The following MRPL39 variants were observed in gnomAD, a reference collection of about 807,000 sequenced individuals.
The protein encoded by MRPL39 is mitochondrial ribosomal protein L39, also known as large ribosomal subunit protein mL39.
Under a neutral mutation model 44.5 loss-of-function variants are expected in MRPL39, and 35 were observed. That is an observed-to-expected ratio of 0.79 (90% CI 0.60 to 1.04). MRPL39 has a LOEUF of 1.04. Among genes scored for constraint, MRPL39 ranks in the 50% least tolerant of loss-of-function variants. The probability of loss-of-function intolerance (pLI) is 0.00; values close to 1 mark genes in which losing one functional copy is unlikely to be tolerated. For synonymous variants in MRPL39, 139 were observed against 136.1 expected, an observed-to-expected ratio of 1.02 and a Z score of -0.15; for missense variants, 433 against 413.5, an observed-to-expected ratio of 1.05 and a Z score of -0.41.
At chr21:25,595,004 A>G (rs992611633) in intron 6 of MRPL39, among the ~76,000 whole-genome samples, 2 of 152,148 alleles carry the variant, frequency 1.3e-5, no homozygotes, top group Non-Finnish European at 2.9e-5. Flanking sequence ...CAAGTTGTCA[A>G]TTTGACTGCC....
At chr21:25,591,491 CTAAT>C (rs2031178540) in intron 8 of MRPL39, among the ~76,000 whole-genome samples, 1 of 152,032 alleles carries the variant, frequency 6.6e-6, no homozygotes, top group Admixed American at 6.5e-5. Context: ...GTAAAACAAT[CTAAT>C]TAGAACACTA....
chr21:25,606,690 A>G, intron 1 of MRPL39, 35 bp from the exon 2 acceptor site: 1 of 1,542,660 alleles, frequency 6.5e-7, no homozygotes, highest in Non-Finnish European at 8.9e-7. Context: ...GAAGACTGAA[A>G]AAATGATTAA....
intron 5 of MRPL39, among the ~76,000 whole-genome samples, chr21:25,597,823 G>C (rs2031404944): frequency 6.6e-6 from 1 of 151,948 alleles, no homozygotes; most frequent in Non-Finnish European, 1.5e-5. Context: ...TAAATATATG[G>C]GGAAAAATTA....
chr21:25,601,433 C>T lies in MRPL39; in HGVS notation c.455G>A (p.Cys152Tyr), dbSNP rs1299993177. The T allele has an allele frequency of 1.2e-6, 2 of 1,609,108 alleles. No individual in the cohort carries two copies. The highest frequency in any genetic ancestry group is 1.7e-5 in the Admixed American group (1 of 59,768). ...YWRSCAMMMG[C>Y]VIERAFKDEY... ...ATCTTTGAATGCCCTCTCTATCACA[C>T]AGCCCATCATCATAGCACAGGAACG... Residue 152 changes from cysteine (C) to tyrosine (Y), a missense_variant, in exon 4 of 10, where the codon TGT becomes TAT. Transcript: ENST00000352957.
At chr21:25,587,253 AT>A (rs1175733823) in intron 9 of MRPL39, among the ~76,000 whole-genome samples, 4 of 151,928 alleles carry the variant, frequency 2.6e-5, no homozygotes, top group Admixed American at 6.6e-5. Context: ...AGCTTTTTAA[AT>A]TTTTTTTAAT....
chr21:25,591,436 G>C (rs916427290), intron 8 of MRPL39, among the ~76,000 whole-genome samples: 1 of 151,928 alleles, frequency 6.6e-6, no homozygotes, highest in Admixed American at 6.6e-5. Flanking sequence ...CAAAAAACTA[G>C]TATCTACAAC....
At chr21:25,587,043 T>C (rs1294400617) in intron 9 of MRPL39, among the ~76,000 whole-genome samples, 2 of 152,022 alleles carry the variant, frequency 1.3e-5, no homozygotes, top group Non-Finnish European at 2.9e-5. Flanking sequence ...TTTAATCTAA[T>C]CCCTTCAGAA....
Position 25,588,860 on chromosome 21 carries a change from T to G in MRPL39, c.944A>C (p.Lys315Thr). Residue 315 changes from lysine (K) to threonine (T), a missense_variant, in exon 9 of 10, where the codon AAG becomes ACG. Physicochemically the swap from Lys to Thr is moderately conservative, Grantham distance 78. Transcript: ENST00000352957. ...HLRAHFTIWDKLLERSRKMVT... is the reference protein window; with the variant it reads ...HLRAHFTIWDTLLERSRKMVT... The stretch of plus-strand genomic sequence containing the variant: ...CATTTTCCGAGATCTTTCCAATAGC[T>G]TATCCCATATTGTAAAATGTGCCTT... 6.2e-7 allele frequency: 1 copy of G among 1,613,100 alleles called. No homozygotes were observed. Among genetic ancestry groups the G allele is most frequent in the Non-Finnish European group, 8.5e-7 (1 of 1,179,392 alleles).
At chr21:25,598,476 C>A (rs1206344086) in intron 5 of MRPL39, among the ~76,000 whole-genome samples, 1 of 147,326 alleles carries the variant, frequency 6.8e-6, no homozygotes, top group South Asian at 2.1e-4. Flanking sequence ...AAGAAAAAAG[C>A]AGTTATGTTT....
At chr21:25,604,131 T>G (rs1353888766) in intron 2 of MRPL39, among the ~76,000 whole-genome samples, 196 bp from the exon 3 acceptor site, 1 of 151,540 alleles carries the variant, frequency 6.6e-6, no homozygotes, top group African/African-American at 2.4e-5. Context: ...TGGGGGCACG[T>G]GCCTGTAATC....
chr21:25,606,417 G>C, intron 2 of MRPL39, 32 bp downstream of exon 2: 1 of 1,529,490 alleles, frequency 6.5e-7, no homozygotes, highest in Non-Finnish European at 8.9e-7. Flanking sequence ...TAAGTAAAAG[G>C]GTCAAAACTG....
chr21:25,592,239 AG>A (rs1163743621), intron 8 of MRPL39, among the ~76,000 whole-genome samples: 2 of 152,204 alleles, frequency 1.3e-5, no homozygotes, highest in Non-Finnish European at 2.9e-5. Flanking sequence ...GGATCCCCGT[AG>A]TGAAGGAATT....
chr21:25,597,023 T>C (rs1026329406), intron 6 of MRPL39, among the ~76,000 whole-genome samples: 1 of 152,136 alleles, frequency 6.6e-6, no homozygotes, highest in Non-Finnish European at 1.5e-5. Flanking sequence ...ACGTACATTA[T>C]CACTTCACAC....
intron 6 of MRPL39, among the ~76,000 whole-genome samples, chr21:25,595,465 C>T (rs565501457): frequency 2.6e-5 from 4 of 152,314 alleles, no homozygotes; most frequent in African/African-American, 9.6e-5. Context: ...ACACACTCAA[C>T]TAAGTTACAA....
intron 5 of MRPL39, 50 bp downstream of exon 5, chr21:25,599,749 C>A: frequency 1.4e-6 from 2 of 1,450,698 alleles, no homozygotes; most frequent in Non-Finnish European, 1.9e-6. Context: ...ATCATTCTAA[C>A]AAAGAAAGGC....
At chr21:25,605,508 T>C (rs946926592) in intron 2 of MRPL39, among the ~76,000 whole-genome samples, 2 of 151,896 alleles carry the variant, frequency 1.3e-5, no homozygotes, top group African/African-American at 4.8e-5. Context: ...GGCTATACAA[T>C]GAAGAGGGGA....
chr21:25,588,709 T>A, intron 9 of MRPL39, 126 bp downstream of exon 9: 1 of 839,218 alleles, frequency 1.2e-6, no homozygotes, highest in South Asian at 1.7e-5. Context: ...CTGCTTTGAC[T>A]ATTGAGACAA....
Position 25,601,598 on chromosome 21 carries a change from T to C in MRPL39, c.421-131A>G, listed in dbSNP as rs528653809. 52 of 498,342 alleles carry C rather than the reference T, an allele frequency of 1.0e-4. 1 individual carries two copies. Among genetic ancestry groups the C allele is most frequent in the African/African-American group, 9.9e-4 (49 of 49,406 alleles). The allele number at this position is 498,342 out of a possible 1,614,324, so 30.9% of individuals were successfully genotyped here. On this transcript the variant is annotated intron_variant, in intron 3 of 9. Coordinates refer to ENST00000352957, the MANE Select transcript of MRPL39 (RefSeq NM_017446.4). ...CTCATATATCTCTGTTCACACAATGTAGCAACAGTTGCCATCAGGCCATGA... is the reference window on the plus strand; with the variant it reads ...CTCATATATCTCTGTTCACACAATGCAGCAACAGTTGCCATCAGGCCATGA...
rs2031229831 is a variant in MRPL39, at chr21:25,592,949, CA to C, written c.783del (p.Ile261MetfsTer3). 4.3e-6 allele frequency: 7 copies of C among 1,611,458 alleles called. No homozygotes were observed. Among genetic ancestry groups the C allele is most frequent in the Non-Finnish European group, 5.9e-6 (7 of 1,178,876 alleles). ...IVKLHRIGDFIDVSEGPLIPR... is the reference protein window; with the variant it reads ...IVKLHRIGDFXDVSEGPLIPR... ...GGAATAAGAGGGCCCTCACTCACAT[CA>C]ATGAAGTCACCTATTCTGATTGATT... On this transcript the variant is annotated frameshift_variant, in exon 8 of 10. Transcript: ENST00000352957. LOFTEE classifies it high-confidence loss of function.
Sources: allele counts gnomAD v4.1 joint callset (sites outside exome capture counted in the v4.1 genomes callset), GRCh38; gene constraint gnomAD v4.1.1; transcripts MANE v1.5; gene names NCBI Gene and HGNC (gene_info 2026-07-23, HGNC 2026-07-21).